MEGF6: variants seen among roughly 807,000 people sequenced by gnomAD.
MEGF6 encodes multiple epidermal growth factor-like domains protein 6.
MEGF6 carries 184 observed loss-of-function variants against 207.1 expected under a neutral mutation model. The ratio of observed to expected loss-of-function variants is 0.89; its 90% CI spans 0.79 to 1.00. MEGF6 has a LOEUF of 1.00. MEGF6 is among the 50% of genes least tolerant of loss of function. The probability of loss-of-function intolerance (pLI) is 0.00; values close to 1 mark genes in which losing one functional copy is unlikely to be tolerated. For synonymous variants in MEGF6, 1,038 were observed against 910.0 expected, an observed-to-expected ratio of 1.14 and a Z score of -2.53; for missense variants, 2,282 against 2,202.9, an observed-to-expected ratio of 1.04 and a Z score of -0.72.
chr1:3,567,196 C>G (rs147188801), intron 4 of MEGF6, among the ~76,000 whole-genome samples: 1 of 152,198 alleles, frequency 6.6e-6, no homozygotes, highest in African/African-American at 2.4e-5. Flanking sequence ...CCGGGCCACA[C>G]GGCGAAGACA....
At chr1:3,522,782 C>T (rs940748302) in intron 5 of MEGF6, among the ~76,000 whole-genome samples, 4 of 152,232 alleles carry the variant, frequency 2.6e-5, no homozygotes, top group African/African-American at 4.8e-5. Context: ...TGGGCTGACA[C>T]CTGGGCTGCC....
Position 3,604,667 on chromosome 1 carries a change from G to A in MEGF6, c.132-2067C>T, listed in dbSNP as rs78299921. The stretch of plus-strand genomic sequence containing the variant: ...GGTCCTTTCCTGACATTACATCATC[G>A]AATCTCTCCCCTCCCAGGGAGGAAG... On this transcript the variant is annotated intron_variant, in intron 1 of 36. Coordinates refer to ENST00000356575, the MANE Select transcript of MEGF6 (RefSeq NM_001409.4). 1.2e-3 allele frequency among the ~76,000 whole-genome samples: 175 copies of A among 152,096 alleles called. 3 individuals are homozygous for A. In the East Asian group the frequency reaches 0.031, roughly 27 times the overall value.
chr1:3,501,376 C>T (rs2100935280), intron 18 of MEGF6, 68 bp from the exon 19 acceptor site: 2 of 1,518,706 alleles, frequency 1.3e-6, no homozygotes, highest in Non-Finnish European at 1.8e-6. Flanking sequence ...CATAACATGG[C>T]ACGATGCCCC....
intron 15 of MEGF6, 24 bp from the exon 16 acceptor site, chr1:3,505,580 G>C (rs2105305): frequency 0.16 from 242,034 of 1,536,956 alleles, 20,155 homozygotes; most frequent in Admixed American, 0.23. Flanking sequence ...ACCGTTGAGG[G>C]GGGCTCCCGT....
the MEGF6 span, among the ~76,000 whole-genome samples, chr1:3,617,912 C>T: frequency 3.9e-5 from 6 of 152,288 alleles, no homozygotes; most frequent in Non-Finnish European, 7.4e-5. Flanking sequence ...GCCCGGTCCT[C>T]GGTCACTTGT....
At chr1:3,598,438 G>A (rs1644105834) in intron 2 of MEGF6, among the ~76,000 whole-genome samples, 4 of 152,328 alleles carry the variant, frequency 2.6e-5, no homozygotes, top group South Asian at 4.1e-4. Context: ...GACAGAAACC[G>A]ACCACCACGG....
At chr1:3,621,458 G>A in the MEGF6 span, among the ~76,000 whole-genome samples, 1 of 152,160 alleles carries the variant, frequency 6.6e-6, no homozygotes, top group African/African-American at 2.4e-5. Context: ...TGATTGTAGA[G>A]CGAGGATTAT....
chr1:3,596,740 C>A (rs1475398521), intron 2 of MEGF6, among the ~76,000 whole-genome samples: 2 of 151,306 alleles, frequency 1.3e-5, no homozygotes, highest in African/African-American at 4.9e-5. Context: ...CTCCACCCTG[C>A]TCCTACAGGC....
Position 3,496,034 on chromosome 1 carries a change from T to C in MEGF6, c.3743-16A>G, listed in dbSNP as rs1640588395. The C allele has an allele frequency of 1.3e-6, 2 of 1,499,156 alleles. No homozygotes were observed. Among genetic ancestry groups the C allele is most frequent in the Admixed American group, 2.1e-5 (1 of 47,426 alleles). The allele number at this position is 1,499,156 out of a possible 1,614,324, so 92.9% of individuals were successfully genotyped here. A position where few individuals can be genotyped will look rare whatever the true frequency, so the allele number is the denominator to read the frequency against. On this transcript the variant is annotated splice_polypyrimidine_tract_variant and intron_variant, in intron 29 of 36. Coordinates refer to ENST00000356575, the MANE Select transcript of MEGF6 (RefSeq NM_001409.4). Reference sequence around the variant, plus strand: ...TGCGGACAGGCTGCCGGGGAGGAAGTGGTGATCGTGGCTGGCTTCCCTTCT... The same window carrying C: ...TGCGGACAGGCTGCCGGGGAGGAAGCGGTGATCGTGGCTGGCTTCCCTTCT...
In MEGF6 at chr1:3,495,897, A is replaced by G; in HGVS notation, c.3864T>C (p.Cys1288=). 1.9e-6 allele frequency: 3 copies of G among 1,598,328 alleles called. No individual in the cohort carries two copies. Among genetic ancestry groups the G allele is most frequent in the African/African-American group, 1.3e-5 (1 of 75,016 alleles). The part of the protein sequence containing the change: ...LCPPGRAGVR[C]ERGCPQNRFG... ...TCTGGAGTGAACACTCACCTCGCTC[A>G]CAGCGGACGCCGGCTCTCCCCGGGG... The change falls in exon 30 of 37, where the codon TGT becomes TGC. Residue 1288 remains cysteine, a synonymous_variant. Coordinates refer to ENST00000356575, the MANE Select transcript of MEGF6 (RefSeq NM_001409.4).
chr1:3,517,374 C>CG (rs993092227), intron 5 of MEGF6, among the ~76,000 whole-genome samples: 4 of 152,290 alleles, frequency 2.6e-5, no homozygotes, highest in African/African-American at 7.2e-5. Context: ...CCCACCAGGG[C>CG]GGGGGGATCA....
intron 34 of MEGF6, 197 bp from the exon 35 acceptor site, chr1:3,492,964 A>G (rs925302777): frequency 1.5e-6 from 1 of 662,526 alleles, no homozygotes; most frequent in Non-Finnish European, 2.5e-6. Context: ...CCTCAGCTAC[A>G]TTCTGCAGCC....
chr1:3,552,644 G>A (rs1642922540), intron 4 of MEGF6, among the ~76,000 whole-genome samples: 1 of 152,200 alleles, frequency 6.6e-6, no homozygotes, highest in Non-Finnish European at 1.5e-5. Flanking sequence ...GCTGCAGTAC[G>A]GTATGGTCAC....
At position 3,507,884 on chromosome 1, in the gene MEGF6, G is replaced by A. The variant is rs1236117092; in HGVS notation, c.1700C>T (p.Ser567Phe). 2 of 1,612,646 alleles carry A rather than the reference G, an allele frequency of 1.2e-6. No individual in the cohort carries two copies. The highest frequency in any genetic ancestry group is 1.7e-5 in the Admixed American group (1 of 59,982). ...PDTFGKNCSF[S>F]CSCQNGGTCD... ...GGTCCCACCATTCTGACAGCTGCAG[G>A]AGAAGCTGCAGTTCTTCCCAAAGGT... Residue 567 changes from serine (S) to phenylalanine (F), a missense_variant, in exon 14 of 37, where the codon TCC becomes TTC. By Grantham distance (155) the Ser-to-Phe change is radical (BLOSUM62 -2). Coordinates refer to ENST00000356575, the MANE Select transcript of MEGF6 (RefSeq NM_001409.4).
At chr1:3,504,335 C>T (rs899576164) in intron 17 of MEGF6, among the ~76,000 whole-genome samples, 4 of 152,138 alleles carry the variant, frequency 2.6e-5, no homozygotes, top group African/African-American at 9.7e-5. Context: ...ATTACTCATG[C>T]CGAGGGCGTC....
rs1255803850 is a variant in MEGF6, at chr1:3,594,192, G to GC, written c.376+1145dup. On this transcript the variant is annotated intron_variant, in intron 3 of 36. Transcript: ENST00000356575. The surrounding 1 kb of genome is among the most constrained non-coding windows in gnomAD (Gnocchi z 4.2). Reference sequence around the variant, plus strand: ...ACCTGTAATCCCAGCACTTTGGAAGGCCGAGGTGGAAGGATCGCTTGAGCC... The same window carrying GC: ...ACCTGTAATCCCAGCACTTTGGAAGGCCCGAGGTGGAAGGATCGCTTGAGCC... Among the ~76,000 whole-genome samples the GC allele has an allele frequency of 2.0e-5, 3 of 152,228 alleles. No individual in the cohort carries two copies. The highest frequency in any genetic ancestry group is 4.4e-5 in the Non-Finnish European group (3 of 68,042).
At chr1:3,604,814 G>A (rs913491563) in intron 1 of MEGF6, among the ~76,000 whole-genome samples, 3 of 152,164 alleles carry the variant, frequency 2.0e-5, no homozygotes, top group African/African-American at 7.2e-5. Flanking sequence ...GGATCCCAGA[G>A]TGAGAATAGG....
intron 3 of MEGF6, among the ~76,000 whole-genome samples, chr1:3,580,247 T>G (rs1479796321): frequency 5.9e-3 from 88 of 14,796 alleles, no homozygotes; most frequent in South Asian, 0.013. Flanking sequence ...CTGAGAGGGG[T>G]GGGAGGAGGG....
At chr1:3,614,395 C>T (rs573481328), upstream of MEGF6, among the ~76,000 whole-genome samples, 1 of 152,230 alleles carries the variant, frequency 6.6e-6, no homozygotes, top group Non-Finnish European at 1.5e-5. Flanking sequence ...AGGCATCAGC[C>T]TGGCGTGTGT....
Sources: gnomAD v4.1 joint callset for allele counts (sites outside exome capture counted in the v4.1 genomes callset) on GRCh38, gnomAD v4.1.1 for gene constraint, Gnocchi (gnomAD v3.1) non-coding constraint, MANE v1.5 for transcripts, NCBI Gene and HGNC (gene_info 2026-07-23, HGNC 2026-07-21) for gene names.